The following RLIG1 variants were observed in gnomAD, a reference collection of about 807,000 sequenced individuals.
RLIG1 encodes RNA ligase 1.
chr12:88,045,517 T>G, the RLIG1 span: 49 of 1,123,118 alleles, frequency 4.4e-5, no homozygotes, highest in Admixed American at 9.1e-4. Context: ...AAATATAAAT[T>G]ACCTGTAGTG....
chr12:88,042,925 GT>G, the RLIG1 span: 584 of 1,515,368 alleles, frequency 3.9e-4, 1 homozygote, highest in Middle Eastern at 2.2e-3. Context: ...CAAAAGGTTA[GT>G]TTTTTTTTAA....
the RLIG1 span, chr12:88,041,586 C>T: frequency 3.9e-5 from 6 of 152,130 alleles, no homozygotes; most frequent in African/African-American, 1.4e-4. Flanking sequence ...CACTTATTTT[C>T]TGCTTTTTTC....
At chr12:88,035,665 C>T in the RLIG1 span, 1 of 1,607,402 alleles carries the variant, frequency 6.2e-7, no homozygotes, top group Non-Finnish European at 8.5e-7. Context: ...CGCTTGGGCT[C>T]CGTGCAGCGG....
chr12:88,035,683 CGTGT>C, the RLIG1 span: 3 of 1,609,080 alleles, frequency 1.9e-6, no homozygotes, highest in Non-Finnish European at 2.5e-6. Context: ...CGGAAAATGC[CGTGT>C]GTGTTTGTGA....
At chr12:88,037,554 C>T in the RLIG1 span, among the ~76,000 whole-genome samples, 3 of 152,188 alleles carry the variant, frequency 2.0e-5, no homozygotes, top group Non-Finnish European at 4.4e-5. Context: ...ACACACACTG[C>T]TATTGGACCA....
the RLIG1 span, among the ~76,000 whole-genome samples, chr12:88,036,553 C>T: frequency 6.6e-6 from 1 of 152,204 alleles, no homozygotes; most frequent in South Asian, 2.1e-4. Context: ...GTCCCAGCTT[C>T]TAGGACCTGG....
chr12:88,037,241 A>G, the RLIG1 span, among the ~76,000 whole-genome samples: 1 of 152,114 alleles, frequency 6.6e-6, no homozygotes, highest in Non-Finnish European at 1.5e-5. Flanking sequence ...CTTCTCCATA[A>G]AATCTTATCA....
chr12:88,037,941 C>T, the RLIG1 span, among the ~76,000 whole-genome samples: 2 of 152,070 alleles, frequency 1.3e-5, no homozygotes, highest in Non-Finnish European at 2.9e-5. Context: ...TTCTTCCTGA[C>T]AGTAGAAAAA....
chr12:88,038,232 G>C, the RLIG1 span, among the ~76,000 whole-genome samples: 1 of 152,156 alleles, frequency 6.6e-6, no homozygotes, highest in African/African-American at 2.4e-5. Flanking sequence ...CAGTGGGGCT[G>C]TATTTACAGG....
the RLIG1 span, chr12:88,045,640 T>G: frequency 1.2e-6 from 2 of 1,613,104 alleles, no homozygotes; most frequent in Non-Finnish European, 8.5e-7. Context: ...CTGTAGTTAA[T>G]TATGAATTTG....
At chr12:88,048,341 TA>T in the RLIG1 span, 1 of 1,604,632 alleles carries the variant, frequency 6.2e-7, no homozygotes, top group Non-Finnish European at 8.5e-7. Flanking sequence ...CTGCCTTTGA[TA>T]TTAAGTGTTT....
At chr12:88,049,570 T>C in the RLIG1 span, 6 of 564,350 alleles carry the variant, frequency 1.1e-5, no homozygotes, top group African/African-American at 5.8e-5. Flanking sequence ...CTTTGTTCCA[T>C]TGTACAGTGT....
chr12:88,045,630 C>G, the RLIG1 span: 1 of 1,612,954 alleles, frequency 6.2e-7, no homozygotes, highest in Non-Finnish European at 8.5e-7. Context: ...TGGCATTCCT[C>G]TGTAGTTAAT....
chr12:88,042,749 C>T, the RLIG1 span: 1 of 947,868 alleles, frequency 1.1e-6, no homozygotes, highest in Non-Finnish European at 1.5e-6. Flanking sequence ...TGTTTGTTGA[C>T]AAACTGTATT....
the RLIG1 span, chr12:88,048,130 T>G: frequency 1.4e-6 from 1 of 733,450 alleles, no homozygotes. Context: ...TAAGATAAAG[T>G]GGAGTCTTAC....
At chr12:88,040,541 C>T in the RLIG1 span, among the ~76,000 whole-genome samples, 1 of 152,124 alleles carries the variant, frequency 6.6e-6, no homozygotes, top group Admixed American at 6.5e-5. Context: ...CAAGTAGCCT[C>T]TCCATTTCAC....
At chr12:88,043,861 CTACATACATT>C in the RLIG1 span, 2 of 643,544 alleles carry the variant, frequency 3.1e-6, no homozygotes, top group South Asian at 3.7e-5. Flanking sequence ...ATGTAAAGTC[CTACATACATT>C]TTATATCAAA....
the RLIG1 span, chr12:88,049,340 C>CTT: frequency 7.0e-6 from 11 of 1,581,970 alleles, no homozygotes; most frequent in African/African-American, 4.1e-5. Context: ...TGTAATTATA[C>CTT]TTAAGATCTT....
the RLIG1 span, chr12:88,048,397 T>G: frequency 2.0e-6 from 3 of 1,505,872 alleles, no homozygotes; most frequent in African/African-American, 4.2e-5. Context: ...TTTGTTAGAC[T>G]CAAAGATATA....
Sources: allele counts gnomAD v4.1 joint callset (sites outside exome capture counted in the v4.1 genomes callset), GRCh38; gene constraint gnomAD v4.1.1; transcripts MANE v1.5; gene names NCBI Gene and HGNC (gene_info 2026-07-23, HGNC 2026-07-21).